Variants in SMARCC1 observed in about 807,000 individuals in gnomAD.
SMARCC1 encodes the protein SWI/SNF related BAF chromatin remodeling complex subunit C1.
In SMARCC1, 43 loss-of-function variants were observed where a neutral mutation model predicts 147.4. That is an observed-to-expected ratio of 0.29 (90% CI 0.23 to 0.38). SMARCC1 has a LOEUF of 0.38. Among genes scored for constraint, SMARCC1 ranks in the 10% least tolerant of loss-of-function variants. The pLI is 1.00. For synonymous variants in SMARCC1, 495 were observed against 484.4 expected (o/e 1.02, Z -0.29); for missense variants, 1,119 against 1,381.1 (o/e 0.81, Z 3.01).
intron 2 of SMARCC1, chr3:47,746,220 A>G: frequency 2.7e-6 from 1 of 366,658 alleles, no homozygotes; most frequent in Non-Finnish European, 4.9e-6. Flanking sequence ...AGCGTGAAAC[A>G]GGAGGATCAC....
chr3:47,727,655 G>GC (rs1396523718), intron 6 of SMARCC1, among the ~76,000 whole-genome samples: 2 of 149,174 alleles, frequency 1.3e-5, no homozygotes, highest in African/African-American at 4.9e-5. Context: ...TGCTCTTCTT[G>GC]CCCGGGCTAG....
chr3:47,754,120 A>G (rs1005390520), intron 2 of SMARCC1, among the ~76,000 whole-genome samples: 15 of 152,130 alleles, frequency 9.9e-5, no homozygotes, highest in Non-Finnish European at 1.5e-5. Context: ...AAGTATTAGC[A>G]TTGACACCAA....
chr3:47,758,238 A>G (rs1396568440), intron 2 of SMARCC1, among the ~76,000 whole-genome samples: 2 of 151,826 alleles, frequency 1.3e-5, no homozygotes, highest in East Asian at 3.9e-4. Context: ...TCACACCTCA[A>G]CCTCCTAAGT....
intron 1 of SMARCC1, among the ~76,000 whole-genome samples, chr3:47,777,240 G>A (rs1052596158): frequency 2.1e-4 from 31 of 148,538 alleles, no homozygotes; most frequent in African/African-American, 6.7e-4. Context: ...ACGCCACCAC[G>A]CCTGGCTAAT....
At chr3:47,601,507 C>T (rs888040897) in intron 26 of SMARCC1, among the ~76,000 whole-genome samples, 6 of 152,098 alleles carry the variant, frequency 3.9e-5, no homozygotes, top group Admixed American at 6.5e-5. Context: ...GCCTTCCCCA[C>T]AGCAGCTTCC....
intron 8 of SMARCC1, among the ~76,000 whole-genome samples, chr3:47,711,553 T>C (rs2034085010): frequency 1.3e-5 from 2 of 152,160 alleles, no homozygotes; most frequent in South Asian, 2.1e-4. Flanking sequence ...GTAGTGTTGG[T>C]TGAAATGAAC....
chr3:47,589,206 C>T (rs959899620), intron 27 of SMARCC1, among the ~76,000 whole-genome samples: 6 of 152,156 alleles, frequency 3.9e-5, no homozygotes, highest in Non-Finnish European at 8.8e-5. Context: ...GCAACTCATC[C>T]AGTGTGGCCT....
intron 19 of SMARCC1, among the ~76,000 whole-genome samples, chr3:47,665,708 G>A (rs958073514): frequency 6.6e-6 from 1 of 152,130 alleles, no homozygotes; most frequent in African/African-American, 2.4e-5. Context: ...GAATAATGCG[G>A]TGACACACTG....
intron 22 of SMARCC1, among the ~76,000 whole-genome samples, chr3:47,637,719 A>G (rs980259445): frequency 1.1e-4 from 17 of 151,286 alleles, no homozygotes; most frequent in Non-Finnish European, 2.1e-4. Context: ...CTCAAAAAAA[A>G]AAAAGGAATA....
chr3:47,707,208 A>G (rs1191241825), intron 9 of SMARCC1, among the ~76,000 whole-genome samples: 1 of 152,108 alleles, frequency 6.6e-6, no homozygotes, highest in Admixed American at 6.6e-5. Flanking sequence ...GCTACTCAGG[A>G]GGCTGAGACA....
rs1197898218 is a variant in SMARCC1, at chr3:47,635,259, A to G, written c.2577T>C (p.His859=). ...TGGCAACATTTCCTTCGGAAATTTC[A>G]TGTTCTACTTTCTTCTTCCCAGTAT... The part of the protein sequence containing the change: ...ESDTGKKKVE[H]EISEGNVATA... The change falls in exon 24 of 28, where the codon CAT becomes CAC. Residue 859 remains histidine, a synonymous_variant. Transcript: ENST00000254480. The G allele has an allele frequency of 6.2e-7, 1 of 1,613,522 alleles. No homozygotes were observed. The highest frequency in any genetic ancestry group is 8.5e-7 in the Non-Finnish European group (1 of 1,179,780).
intron 4 of SMARCC1, among the ~76,000 whole-genome samples, chr3:47,737,601 G>A (rs1342657566): frequency 3.3e-5 from 5 of 151,586 alleles, no homozygotes; most frequent in Non-Finnish European, 5.9e-5. Flanking sequence ...TGTTCTTTTG[G>A]CAATCCAATA....
At chr3:47,674,392 G>T (rs1329981875) in intron 18 of SMARCC1, among the ~76,000 whole-genome samples, 2 of 152,116 alleles carry the variant, frequency 1.3e-5, no homozygotes, top group Admixed American at 1.3e-4. Flanking sequence ...CTTCAATTTT[G>T]AAAGTAATGT....
chr3:47,657,418 C>G (rs1010894076), intron 21 of SMARCC1, among the ~76,000 whole-genome samples: 2 of 152,174 alleles, frequency 1.3e-5, no homozygotes, highest in African/African-American at 4.8e-5. Context: ...AGAAGAAAAT[C>G]TTTAAAGTTC....
At chr3:47,669,086 GAGA>G (rs1475237794) in intron 19 of SMARCC1, among the ~76,000 whole-genome samples, 1 of 152,090 alleles carries the variant, frequency 6.6e-6, no homozygotes, top group Non-Finnish European at 1.5e-5. Flanking sequence ...CACTGATGTG[GAGA>G]AGTCTTTTAT....
At chr3:47,743,859 A>G (rs1442341050) in intron 3 of SMARCC1, among the ~76,000 whole-genome samples, 2 of 152,106 alleles carry the variant, frequency 1.3e-5, no homozygotes, top group Non-Finnish European at 2.9e-5. Flanking sequence ...ACAGACACAA[A>G]GCAAGTTCCA....
At chr3:47,695,427 T>C (rs932871222) in intron 11 of SMARCC1, among the ~76,000 whole-genome samples, 2 of 152,274 alleles carry the variant, frequency 1.3e-5, no homozygotes, top group East Asian at 3.9e-4. Context: ...TGAATGCCTG[T>C]TTTCTACTTC....
intron 21 of SMARCC1, among the ~76,000 whole-genome samples, chr3:47,642,932 C>G (rs567286337): frequency 1.3e-5 from 2 of 152,064 alleles, no homozygotes; most frequent in African/African-American, 4.8e-5. Context: ...TGATGGTGCA[C>G]GCCTGTAGTC....
intron 1 of SMARCC1, among the ~76,000 whole-genome samples, chr3:47,779,215 C>A (rs957474179): frequency 2.0e-5 from 3 of 151,936 alleles, no homozygotes; most frequent in African/African-American, 7.3e-5. Context: ...CTGGGCAACA[C>A]AGAAAGACCC....
Sources: gnomAD v4.1 joint callset for allele counts (sites outside exome capture counted in the v4.1 genomes callset) on GRCh38, gnomAD v4.1.1 for gene constraint, MANE v1.5 for transcripts, NCBI Gene and HGNC (gene_info 2026-07-23, HGNC 2026-07-21) for gene names.